The following GMEB1 variants were observed in gnomAD, a reference collection of about 807,000 sequenced individuals.
GMEB1 encodes glucocorticoid modulatory element binding protein 1.
Under a neutral mutation model 52.4 loss-of-function variants are expected in GMEB1, and 6 were observed. That is an observed-to-expected ratio of 0.11 (90% confidence interval 0.06 to 0.23). The LOEUF (loss-of-function observed/expected upper bound fraction) is 0.23. GMEB1 is among the 10% of genes least tolerant of loss of function. The probability of loss-of-function intolerance (pLI) is 1.00; values close to 1 mark genes in which losing one functional copy is unlikely to be tolerated. For synonymous variants in GMEB1, 255 were observed against 244.9 expected (o/e 1.04, Z -0.38); for missense variants, 486 against 685.6 (o/e 0.71, Z 3.25).
At chr1:28,712,428 A>G (rs1437633107) in intron 9 of GMEB1, among the ~76,000 whole-genome samples, 1 of 152,184 alleles carries the variant, frequency 6.6e-6, no homozygotes, top group East Asian at 1.9e-4. Context: ...GGGAGGGCTG[A>G]AAGTCCTAGT....
intron 9 of GMEB1, among the ~76,000 whole-genome samples, chr1:28,710,948 T>G (rs1005773915): frequency 6.6e-6 from 1 of 152,148 alleles, no homozygotes; most frequent in African/African-American, 2.4e-5. Context: ...GTCTTTGTCT[T>G]TTTTACATTA....
In GMEB1 at chr1:28,682,149, T is replaced by C. The variant is rs1027417636; in HGVS notation, c.-30-1434T>C. On this transcript the variant is annotated intron_variant, in intron 1 of 9. Coordinates refer to ENST00000373816, the MANE Select transcript of GMEB1 (RefSeq NM_001319674.2). ...TCTTAAGTGACTCTCTCTTTTCAAC[T>C]GTGAAGACTAATAACTGCAGAATAT... 3.3e-5 allele frequency among the ~76,000 whole-genome samples: 5 copies of C among 152,296 alleles called. No homozygotes were observed. The East Asian group carries it at 9.6e-4, about 29-fold the overall frequency.
intron 2 of GMEB1, 135 bp from the exon 3 acceptor site, chr1:28,689,969 C>T: frequency 3.6e-6 from 2 of 561,990 alleles, no homozygotes; most frequent in Admixed American, 3.7e-5. Flanking sequence ...CAATGGGAAA[C>T]TAGTCAGAGT....
In GMEB1 at chr1:28,714,292, G is replaced by A. The variant is rs771205969; in HGVS notation, c.1211G>A (p.Gly404Asp). Residue 404 changes from glycine to aspartate, a missense_variant, in exon 10 of 10, where the codon GGT becomes GAT. Physicochemically the swap from Gly to Asp is moderately conservative, Grantham distance 94 (BLOSUM62 -1). This residue lies in a region of GMEB1 where 153 missense variants were observed against 200.8 expected (regional missense o/e 0.76). Transcript: ENST00000373816. ...TCACCCATCACCATCACCCCAGTGG[G>A]TCAGTCATTTTCCATGGGCAATATT... is the stretch of plus-strand genomic sequence containing the variant. ...VISPITITPV[G>D]QSFSMGNIPV... is the part of the protein sequence containing the mutation. The A allele has an allele frequency of 1.9e-6, 3 of 1,614,182 alleles. No individual in the cohort carries two copies. The Admixed American group carries it at 5.0e-5, about 27-fold the overall frequency.
chr1:28,690,128 C>T lies in GMEB1; in HGVS notation c.153C>T (p.Asn51=). The T allele has an allele frequency of 6.3e-7, 1 of 1,593,778 alleles. No individual in the cohort carries two copies. The highest frequency in any genetic ancestry group is 8.6e-7 in the Non-Finnish European group (1 of 1,169,496). ...QQGIYEAGSE[N]NTAVVAVETH... is the part of the protein sequence containing the mutation. Reference sequence around the variant, plus strand: ...GGATTTATGAAGCTGGGTCGGAGAACAACACGGCAGTTGTAGCAGTAGAAA... The same window carrying T: ...GGATTTATGAAGCTGGGTCGGAGAATAACACGGCAGTTGTAGCAGTAGAAA... The change falls in exon 3 of 10, where the codon AAC becomes AAT. Residue 51 remains asparagine (N), a synonymous_variant. Coordinates refer to ENST00000373816, the MANE Select transcript of GMEB1 (RefSeq NM_001319674.2).
intron 2 of GMEB1, among the ~76,000 whole-genome samples, chr1:28,686,598 C>A (rs1479714737): frequency 1.5e-5 from 2 of 135,466 alleles, no homozygotes; most frequent in Non-Finnish European, 3.0e-5. Flanking sequence ...TACTGCACTT[C>A]AGCCTGGGTG....
At chr1:28,679,671 A>G (rs1669308406) in intron 1 of GMEB1, among the ~76,000 whole-genome samples, 1 of 152,140 alleles carries the variant, frequency 6.6e-6, no homozygotes, top group African/African-American at 2.4e-5. Flanking sequence ...GACTCAATAT[A>G]ATATTTGTTG....
chr1:28,709,838 C>T (rs968142458), intron 8 of GMEB1, among the ~76,000 whole-genome samples: 9 of 151,954 alleles, frequency 5.9e-5, no homozygotes, highest in East Asian at 3.9e-4. Context: ...TGTGAGCCAC[C>T]GCTCCTGGCC....
At chr1:28,688,536 A>G (rs938172014) in intron 2 of GMEB1, among the ~76,000 whole-genome samples, 2 of 152,112 alleles carry the variant, frequency 1.3e-5, no homozygotes, top group African/African-American at 4.8e-5. Flanking sequence ...AAATGTAGAG[A>G]TATCTTGGAG....
rs765141465 is a variant in GMEB1, at chr1:28,714,340, G to A, written c.1259G>A (p.Gly420Asp). The A allele has an allele frequency of 6.2e-7, 1 of 1,614,172 alleles. No individual in the cohort carries two copies. Among genetic ancestry groups the A allele is most frequent in the Admixed American group, 1.7e-5 (1 of 60,018 alleles). Residue 420 changes from glycine (G) to aspartate (D), a missense_variant, in exon 10 of 10, where the codon GGC becomes GAC. Around this residue, in one of 5 missense-constraint regions of GMEB1, gnomAD observed 153 missense variants for 200.8 expected, o/e 0.76. Transcript: ENST00000373816. ...ATTCCAGTGGCCACCCTCAGCCAGG[G>A]CTCCAGTCCTGTGACTGTCCACACA... ...GNIPVATLSQ[G>D]SSPVTVHTLP...
Position 28,687,334 on chromosome 1 carries a change from TCA to T in GMEB1, c.129-2717_129-2716del, listed in dbSNP as rs1161076315. The stretch of plus-strand genomic sequence containing the variant: ...CTGGGCAACAGAATGAGACCCTATC[TCA>T]CACACACACACACACACACACACAC... On this transcript the variant is annotated intron_variant, in intron 2 of 9. Coordinates refer to ENST00000373816, the MANE Select transcript of GMEB1 (RefSeq NM_001319674.2). Among the ~76,000 whole-genome samples, 239 of 54,100 alleles carry T rather than the reference TCA, an allele frequency of 4.4e-3. 18 individuals carry two copies. Among genetic ancestry groups the T allele is most frequent in the African/African-American group, 0.014 (191 of 13,964 alleles). The allele number at this position is 54,100 out of a possible 152,430, so 35.5% of individuals were successfully genotyped here.
chr1:28,687,381 C>CAAAAAAAAAAAAAAAAAAA lies in GMEB1; in HGVS notation c.129-2722_129-2721insAAAAAAAAAAAAAAAAAAA, dbSNP rs1157094477. ...ACACACACACACACACACACACACA[C>CAAAAAAAAAAAAAAAAAAA]ACACACAAAAAAAGACAGTGGAGAA... On this transcript the variant is annotated intron_variant, in intron 2 of 9. Coordinates refer to ENST00000373816, the MANE Select transcript of GMEB1 (RefSeq NM_001319674.2). Among the ~76,000 whole-genome samples the CAAAAAAAAAAAAAAAAAAA allele has an allele frequency of 7.4e-5, 2 of 27,162 alleles. 1 individual carries two copies. Among genetic ancestry groups the CAAAAAAAAAAAAAAAAAAA allele is most frequent in the African/African-American group, 2.5e-4 (2 of 8,006 alleles). The allele number at this position is 27,162 out of a possible 152,430, so 17.8% of individuals were successfully genotyped here.
Position 28,718,633 on chromosome 1 carries a change from TG to T in GMEB1, c.*3861del, listed in dbSNP as rs1671329389. 1 of 152,164 alleles carries T rather than the reference TG, an allele frequency of 6.6e-6. No individual in the cohort carries two copies. The highest frequency in any genetic ancestry group is 1.5e-5 in the Non-Finnish European group (1 of 68,030). 9.4% of individuals were successfully genotyped at this position (152,164 alleles called of 1,614,324 possible). On this transcript the variant is annotated 3_prime_UTR_variant, in exon 10 of 10. Coordinates refer to ENST00000373816, the MANE Select transcript of GMEB1 (RefSeq NM_001319674.2). ...CCAAAACTACACATTTCATTATAAT[TG>T]TTTTTTTTTGTAATTTTATGTATTT... is the stretch of plus-strand genomic sequence containing the variant.
In GMEB1 at chr1:28,690,203, G is replaced by GGTTTTTTTTTTT. The variant is rs879212606; in HGVS notation, c.211+17_211+18insGTTTTTTTTTTT. The GGTTTTTTTTTTT allele has an allele frequency of 2.3e-4, 117 of 515,996 alleles. No individual in the cohort carries two copies. Among genetic ancestry groups the GGTTTTTTTTTTT allele is most frequent in the South Asian group, 4.7e-4 (20 of 42,608 alleles). 32.0% of individuals were successfully genotyped at this position (515,996 alleles called of 1,614,324 possible). A position where few individuals can be genotyped will look rare whatever the true frequency, so the allele number is the denominator to read the frequency against. ...AAGGGATTGGTAAGGGTTTTTTTGT[G>GGTTTTTTTTTTT]TTTTTTTTTTTTTTTTTTTTTGTCA... On this transcript the variant is annotated intron_variant, in intron 3 of 9. Transcript: ENST00000373816.
At chr1:28,683,440 GT>G (rs2124481029) in intron 1 of GMEB1, 142 bp from the exon 2 acceptor site, 2 of 595,028 alleles carry the variant, frequency 3.4e-6, no homozygotes, top group East Asian at 6.0e-5. Flanking sequence ...GGTCAGGCTG[GT>G]CTTGAACTCC....
chr1:28,669,642 C>G (rs1009165335), intron 1 of GMEB1, among the ~76,000 whole-genome samples: 4 of 152,116 alleles, frequency 2.6e-5, no homozygotes, highest in African/African-American at 7.2e-5. Flanking sequence ...CTCCTAGAGC[C>G]TCCTGAAGTA....
intron 7 of GMEB1, among the ~76,000 whole-genome samples, chr1:28,702,773 C>T (rs1031364638): frequency 2.6e-5 from 4 of 152,034 alleles, no homozygotes; most frequent in East Asian, 3.8e-4. Flanking sequence ...CAGAATTGGC[C>T]GGGCGCAGTG....
At chr1:28,691,483 T>G in intron 3 of GMEB1, 102 bp from the exon 4 acceptor site, 1 of 676,710 alleles carries the variant, frequency 1.5e-6, no homozygotes, top group South Asian at 3.8e-5. Flanking sequence ...CCAGCAAGAG[T>G]GAAGTATTAG....
chr1:28,672,443 TC>T (rs200758890), intron 1 of GMEB1, among the ~76,000 whole-genome samples: 28,074 of 150,478 alleles, frequency 0.19, 3,264 homozygotes, highest in Middle Eastern at 0.3. Context: ...CAGGATGATC[TC>T]CATCTCCTGA....
Sources: gnomAD v4.1 joint callset for allele counts (sites outside exome capture counted in the v4.1 genomes callset) on GRCh38, gnomAD v4.1.1 for gene constraint, gnomAD v4.1.1 regional missense constraint, MANE v1.5 for transcripts, NCBI Gene and HGNC (gene_info 2026-07-23, HGNC 2026-07-21) for gene names.